Variants in SPATS1 observed in about 807,000 individuals in gnomAD.
The protein encoded by SPATS1 is spermatogenesis associated serine rich 1.
Under a neutral mutation model 33.6 loss-of-function variants are expected in SPATS1, and 23 were observed. The ratio of observed to expected loss-of-function variants is 0.68; its 90% CI spans 0.49 to 0.97. The LOEUF (loss-of-function observed/expected upper bound fraction) is 0.97. Among genes scored for constraint, SPATS1 ranks in the 50% least tolerant of loss-of-function variants. The pLI is 0.00. For missense variants in SPATS1, 327 were observed against 361.0 expected (o/e 0.91, Z 0.76); for synonymous variants, 131 against 125.6 (o/e 1.04, Z -0.29).
rs575454362 is a variant in SPATS1 at position 44,343,214 on chromosome 6, C to T, written c.119C>T (p.Thr40Ile). 6.2e-7 allele frequency: 1 copy of T among 1,613,884 alleles called. No homozygotes were observed. Among genetic ancestry groups the T allele is most frequent in the Non-Finnish European group, 8.5e-7 (1 of 1,179,990 alleles). The change falls in exon 2 of 9, where the codon ACC becomes ATC. Residue 40 changes from threonine to isoleucine, a missense_variant. By Grantham distance (89) the Thr-to-Ile change is moderately conservative. Transcript: ENST00000674044. Reference sequence around the variant, plus strand: ...CCAGAAAAAAGGGACTCTGGCATGACCGAGGTGGAGAGGACCTACAGTTGA... The same window carrying T: ...CCAGAAAAAAGGGACTCTGGCATGATCGAGGTGGAGAGGACCTACAGTTGA... Reference protein sequence around the residue: ...KVPEKRDSGMTEVERTYSANC... With the variant: ...KVPEKRDSGMIEVERTYSANC...
At position 44,367,967 on chromosome 6, in the gene SPATS1, G is replaced by A. The variant is rs192610968; in HGVS notation, c.575-412G>A. Among the ~76,000 whole-genome samples the A allele has an allele frequency of 2.6e-5, 4 of 152,264 alleles. No homozygotes were observed. In the East Asian group the frequency reaches 5.8e-4, roughly 22 times the overall value. ...ACATCCTTAGTTGGTTTCCTTCCTG[G>A]ACCCAGTCAGAGAGGCAGAGCCCCA... On this transcript the variant is annotated intron_variant, in intron 5 of 8. Coordinates refer to ENST00000674044, the MANE Select transcript of SPATS1 (RefSeq NM_001372081.1).
intron 8 of SPATS1, 99 bp downstream of exon 8, chr6:44,376,572 C>G: frequency 1.3e-6 from 1 of 761,974 alleles, no homozygotes; most frequent in Non-Finnish European, 2.1e-6. Context: ...GAGGCCGAGG[C>G]GGGCAGATCA....
Position 44,352,706 on chromosome 6 carries a change from G to C in SPATS1, c.140-20G>C. The C allele has an allele frequency of 6.2e-7, 1 of 1,610,468 alleles. No individual in the cohort carries two copies. Among genetic ancestry groups the C allele is most frequent in the Non-Finnish European group, 8.5e-7 (1 of 1,176,802 alleles). On this transcript the variant is annotated intron_variant, in intron 2 of 8. Coordinates refer to ENST00000674044, the MANE Select transcript of SPATS1 (RefSeq NM_001372081.1). ...GTATTTTCAATAATGTAATTAAATG[G>C]TGATATCTCTGTGTTACAGGTGCTA... is the stretch of plus-strand genomic sequence containing the variant.
At chr6:44,355,028 C>G (rs1049864002) in intron 3 of SPATS1, among the ~76,000 whole-genome samples, 1 of 151,986 alleles carries the variant, frequency 6.6e-6, no homozygotes, top group Non-Finnish European at 1.5e-5. Flanking sequence ...ACTATGCTAC[C>G]CAGGCCAGTT....
chr6:44,359,638 G>A (rs940825584), intron 3 of SPATS1, among the ~76,000 whole-genome samples: 7 of 151,560 alleles, frequency 4.6e-5, no homozygotes, highest in Non-Finnish European at 1.0e-4. Flanking sequence ...GTGCAGTGGC[G>A]AGATCTCTGC....
rs367831517 is a variant in SPATS1, at chr6:44,345,881, G to T, written c.139+2647G>T. ...CCAAATTGCTCTTCAGTAAGATGGG[G>T]ACATTCCCACCAGCAATGATAGGAA... is the stretch of plus-strand genomic sequence containing the variant. On this transcript the variant is annotated intron_variant, in intron 2 of 8. Coordinates refer to ENST00000674044, the MANE Select transcript of SPATS1 (RefSeq NM_001372081.1). Among the ~76,000 whole-genome samples, 110 of 152,260 alleles carry T rather than the reference G, an allele frequency of 7.2e-4. 5 individuals are homozygous for T. In the South Asian group the frequency reaches 0.023, roughly 31 times the overall value.
intron 2 of SPATS1, 60 bp downstream of exon 2, chr6:44,343,294 C>A: frequency 7.0e-7 from 1 of 1,435,692 alleles, no homozygotes; most frequent in Non-Finnish European, 9.6e-7. Flanking sequence ...ATACTACACC[C>A]GGGGGCGGGG....
chr6:44,358,538 A>T (rs760409420), intron 3 of SPATS1, among the ~76,000 whole-genome samples: 1 of 152,036 alleles, frequency 6.6e-6, no homozygotes, highest in African/African-American at 2.4e-5. Context: ...TTTTTTTGGT[A>T]ACAGATTTAT....
chr6:44,376,804 CACAA>C lies in SPATS1; in HGVS notation c.875-217_875-214del, dbSNP rs139487923. On this transcript the variant is annotated intron_variant, in intron 8 of 8. Coordinates refer to ENST00000674044, the MANE Select transcript of SPATS1 (RefSeq NM_001372081.1). ...CAACAGAGCGAAACTTTGCCTCAAACACAAACAAACAAACAAAACAAAACTGGAG... is the reference window on the plus strand; with the variant it reads ...CAACAGAGCGAAACTTTGCCTCAAACACAAACAAACAAAACAAAACTGGAG... Among the ~76,000 whole-genome samples the C allele has an allele frequency of 8.4e-3, 1,275 of 152,000 alleles. 9 individuals are homozygous for C. The highest frequency in any genetic ancestry group is 0.022 in the South Asian group (104 of 4,808).
chr6:44,343,040 A>G, intron 1 of SPATS1, 56 bp from the exon 2 acceptor site: 2 of 1,604,940 alleles, frequency 1.2e-6, no homozygotes, highest in South Asian at 2.2e-5. Flanking sequence ...CTTTCTTACG[A>G]GGGACTTTCT....
At chr6:44,371,684 G>T (rs1018839572) in intron 7 of SPATS1, among the ~76,000 whole-genome samples, 3 of 152,166 alleles carry the variant, frequency 2.0e-5, no homozygotes, top group African/African-American at 7.2e-5. Flanking sequence ...GGTGGCTCAT[G>T]CCTGTAATCC....
chr6:44,369,063 A>AT (rs1208508562), intron 6 of SPATS1, among the ~76,000 whole-genome samples: 2 of 151,882 alleles, frequency 1.3e-5, no homozygotes, highest in African/African-American at 2.4e-5. Flanking sequence ...CACCTGGGTA[A>AT]TTTTTTGTAT....
intron 2 of SPATS1, among the ~76,000 whole-genome samples, chr6:44,348,883 C>T (rs1330815935): frequency 6.6e-6 from 1 of 152,208 alleles, no homozygotes; most frequent in East Asian, 1.9e-4. Context: ...GTAATCCCAG[C>T]ACTTTGGGAG....
At chr6:44,347,339 G>A (rs959200694) in intron 2 of SPATS1, among the ~76,000 whole-genome samples, 11 of 147,346 alleles carry the variant, frequency 7.5e-5, no homozygotes, top group Non-Finnish European at 1.3e-4. Context: ...AAACCTGTAC[G>A]TTTTACACAT....
chr6:44,374,665 A>G (rs1789824169), intron 7 of SPATS1, among the ~76,000 whole-genome samples: 1 of 151,588 alleles, frequency 6.6e-6, no homozygotes, highest in African/African-American at 2.4e-5. Flanking sequence ...TGTTACATTT[A>G]TTAGGTGTAC....
intron 7 of SPATS1, among the ~76,000 whole-genome samples, chr6:44,371,239 C>A (rs1789595234): frequency 1.3e-5 from 2 of 151,046 alleles, no homozygotes; most frequent in Admixed American, 6.6e-5. Flanking sequence ...TTCGAGGCTG[C>A]AGTGAGCTAC....
At chr6:44,355,248 G>A (rs1788511698) in intron 3 of SPATS1, among the ~76,000 whole-genome samples, 1 of 147,236 alleles carries the variant, frequency 6.8e-6, no homozygotes, top group Non-Finnish European at 1.5e-5. Context: ...CATATAGTTG[G>A]AATCGTATAG....
intron 7 of SPATS1, among the ~76,000 whole-genome samples, chr6:44,373,501 A>C (rs931649060): frequency 2.0e-5 from 3 of 152,234 alleles, no homozygotes; most frequent in African/African-American, 7.2e-5. Context: ...TCTATTAATA[A>C]AAATTGTAGG....
rs1284447405 is a variant in SPATS1 at position 44,380,151 on chromosome 6, T to C, written c.*3088T>C. Among the ~76,000 whole-genome samples, 3 of 152,168 alleles carry C rather than the reference T, an allele frequency of 2.0e-5. No homozygotes were observed. Among genetic ancestry groups the C allele is most frequent in the African/African-American group, 4.8e-5 (2 of 41,442 alleles). On this transcript the variant is annotated 3_prime_UTR_variant, in exon 9 of 9. Coordinates refer to ENST00000674044, the MANE Select transcript of SPATS1 (RefSeq NM_001372081.1). Reference sequence around the variant, plus strand: ...AGATCCCCTTCACCTCACTGTAGGGTCTTTGGTAAATAAAAACATGTGGGT... The same window carrying C: ...AGATCCCCTTCACCTCACTGTAGGGCCTTTGGTAAATAAAAACATGTGGGT...
Sources: gnomAD v4.1 joint callset for allele counts (sites outside exome capture counted in the v4.1 genomes callset) on GRCh38, gnomAD v4.1.1 for gene constraint, MANE v1.5 for transcripts, NCBI Gene and HGNC (gene_info 2026-07-23, HGNC 2026-07-21) for gene names.